The following DLGAP2 variants were observed in gnomAD, a reference collection of about 807,000 sequenced individuals.
DLGAP2 encodes the protein disks large-associated protein 2.
A neutral mutation model predicts 100.3 loss-of-function variants in DLGAP2; 26 were observed. The ratio of observed to expected loss-of-function variants is 0.26; its 90% CI spans 0.19 to 0.36. The LOEUF (loss-of-function observed/expected upper bound fraction) is 0.36, where lower values mean the gene tolerates loss of function less well. Among genes scored for constraint, DLGAP2 ranks in the 10% least tolerant of loss-of-function variants. The probability of loss-of-function intolerance (pLI) is 1.00; values close to 1 mark genes in which losing one functional copy is unlikely to be tolerated. For missense variants in DLGAP2, 1,858 were observed against 1,453.2 expected, an observed-to-expected ratio of 1.28 and a Z score of -4.53; for synonymous variants, 886 against 630.1, an observed-to-expected ratio of 1.41 and a Z score of -6.08.
intron 3 of DLGAP2, among the ~76,000 whole-genome samples, chr8:1,430,787 ATCC>A (rs1444762840): frequency 6.6e-6 from 1 of 152,214 alleles, no homozygotes; most frequent in East Asian, 1.9e-4. Flanking sequence ...TTATTGAAAC[ATCC>A]TTTGTTAGTC....
chr8:858,642 G>A (rs1403305415), intron 1 of DLGAP2, among the ~76,000 whole-genome samples: 1 of 150,978 alleles, frequency 6.6e-6, no homozygotes, highest in Non-Finnish European at 1.5e-5. Context: ...CGTGTGTGAT[G>A]CTGTCACCGT....
chr8:1,087,923 C>G (rs1430622116), intron 2 of DLGAP2, among the ~76,000 whole-genome samples: 1 of 152,262 alleles, frequency 6.6e-6, no homozygotes, highest in Non-Finnish European at 1.5e-5. Context: ...CACCCTGGCA[C>G]AGTCCGCCCT....
chr8:1,085,233 G>A (rs558211830), intron 2 of DLGAP2, among the ~76,000 whole-genome samples: 6 of 152,132 alleles, frequency 3.9e-5, no homozygotes, highest in Non-Finnish European at 8.8e-5. Context: ...CTATAGAGTT[G>A]TTTGAGTTCT....
intron 1 of DLGAP2, among the ~76,000 whole-genome samples, chr8:818,116 G>T (rs1019921158): frequency 6.6e-6 from 1 of 152,182 alleles, no homozygotes; most frequent in Non-Finnish European, 1.5e-5. Flanking sequence ...AAGACCACCA[G>T]GTGAGGGGCA....
rs146199747 is a variant in DLGAP2 at position 1,604,061 on chromosome 8, G to C, written c.1443-22679G>C. On this transcript the variant is annotated intron_variant, in intron 6 of 14. Transcript: ENST00000637795. ...TGATGCCCAAGACACAGCTGGGACA[G>C]AACACATTCTTAAAGACACTTAAGT... 5.8e-3 allele frequency among the ~76,000 whole-genome samples: 881 copies of C among 152,236 alleles called. 7 individuals are homozygous for C. Among genetic ancestry groups the C allele is most frequent in the African/African-American group, 0.02 (827 of 41,556 alleles).
At chr8:1,687,305 T>C (rs904034445) in intron 12 of DLGAP2, among the ~76,000 whole-genome samples, 1 of 152,238 alleles carries the variant, frequency 6.6e-6, no homozygotes, top group Non-Finnish European at 1.5e-5. Context: ...AGTGTGTTAA[T>C]CAAATTTCTT....
At chr8:1,092,742 G>A (rs1489137189) in intron 2 of DLGAP2, among the ~76,000 whole-genome samples, 2 of 152,174 alleles carry the variant, frequency 1.3e-5, no homozygotes, top group Non-Finnish European at 2.9e-5. Flanking sequence ...ACTTGGCCTG[G>A]GAGCCCAGAT....
At chr8:1,180,288 C>T (rs1435445453) in intron 2 of DLGAP2, among the ~76,000 whole-genome samples, 2 of 152,218 alleles carry the variant, frequency 1.3e-5, no homozygotes. Flanking sequence ...AGACGTGGAA[C>T]TCTTCCACAC....
chr8:800,121 C>G (rs988226923), intron 1 of DLGAP2, among the ~76,000 whole-genome samples: 2 of 152,108 alleles, frequency 1.3e-5, no homozygotes, highest in African/African-American at 4.8e-5. Flanking sequence ...TGTCTCTAAT[C>G]TGGTCTATGC....
At chr8:1,087,269 G>A (rs901655149) in intron 2 of DLGAP2, among the ~76,000 whole-genome samples, 5 of 152,140 alleles carry the variant, frequency 3.3e-5, no homozygotes, top group Non-Finnish European at 7.4e-5. Context: ...ACATTCTGAA[G>A]TCTTTCCTCT....
Position 1,548,842 on chromosome 8 carries a change from G to C in DLGAP2, c.389G>C (p.Gly130Ala), listed in dbSNP as rs780394886. 6 of 1,579,908 alleles carry C rather than the reference G, an allele frequency of 3.8e-6. No individual in the cohort carries two copies. The African/African-American group carries it at 6.7e-5, about 18-fold the overall frequency. ...YLLSPADSCP[G>A]GRHRCSPRSS... Reference sequence around the variant, plus strand: ...CTGAGCCCCGCCGACAGCTGCCCCGGGGGGCGCCACCGCTGCTCGCCGCGC... The same window carrying C: ...CTGAGCCCCGCCGACAGCTGCCCCGCGGGGCGCCACCGCTGCTCGCCGCGC... Residue 130 changes from glycine to alanine, a missense_variant, in exon 5 of 15, where the codon GGG (glycine) becomes GCG (alanine). Transcript: ENST00000637795.
intron 2 of DLGAP2, among the ~76,000 whole-genome samples, chr8:1,081,950 A>C (rs533143770): frequency 6.6e-6 from 1 of 152,200 alleles, no homozygotes; most frequent in African/African-American, 2.4e-5. Context: ...AATGCCCCCT[A>C]AGTTCTAGAT....
intron 2 of DLGAP2, among the ~76,000 whole-genome samples, chr8:1,221,673 A>G (rs563825460): frequency 6.6e-6 from 1 of 152,334 alleles, no homozygotes; most frequent in East Asian, 1.9e-4. Context: ...TTTCATGGAC[A>G]GCATTCTCAA....
chr8:1,494,582 A>G (rs1032407825), intron 3 of DLGAP2, among the ~76,000 whole-genome samples: 27 of 152,146 alleles, frequency 1.8e-4, no homozygotes, highest in African/African-American at 5.3e-4. Context: ...TACAAAAATT[A>G]GCCGAGCGTG....
intron 2 of DLGAP2, among the ~76,000 whole-genome samples, chr8:1,136,281 G>C (rs941648180): frequency 6.7e-6 from 1 of 150,176 alleles, no homozygotes; most frequent in South Asian, 2.1e-4. Context: ...ATTTACCAGC[G>C]AATAGACTTC....
chr8:1,618,934 T>C (rs1797243274), intron 6 of DLGAP2, among the ~76,000 whole-genome samples: 1 of 152,180 alleles, frequency 6.6e-6, no homozygotes, highest in South Asian at 2.1e-4. Flanking sequence ...CATCACCAGA[T>C]GTCCCTTGAG....
At chr8:1,430,427 C>T (rs189261531) in intron 3 of DLGAP2, among the ~76,000 whole-genome samples, 111 of 152,202 alleles carry the variant, frequency 7.3e-4, no homozygotes, top group Non-Finnish European at 1.3e-3. Flanking sequence ...TCTTCAAGGT[C>T]GGTTTGATCA....
At chr8:1,223,662 T>C (rs1186057126) in intron 2 of DLGAP2, among the ~76,000 whole-genome samples, 2 of 152,314 alleles carry the variant, frequency 1.3e-5, no homozygotes, top group African/African-American at 2.4e-5. Context: ...CACAGCAAGA[T>C]TTCTGAAAGG....
chr8:1,634,114 A>T (rs962443949), intron 8 of DLGAP2, among the ~76,000 whole-genome samples: 1 of 152,262 alleles, frequency 6.6e-6, no homozygotes, highest in Admixed American at 6.5e-5. Context: ...ACTGTGTTCA[A>T]ACCGTGTTCC....
Sources: allele counts gnomAD v4.1 joint callset (sites outside exome capture counted in the v4.1 genomes callset), GRCh38; gene constraint gnomAD v4.1.1; transcripts MANE v1.5; gene names NCBI Gene and HGNC (gene_info 2026-07-23, HGNC 2026-07-21).